TTC28: variants seen among roughly 807,000 people sequenced by gnomAD.
TTC28 encodes tetratricopeptide repeat protein 28.
TTC28 carries 61 observed loss-of-function variants against 198.0 expected under a neutral mutation model. That is an observed-to-expected ratio of 0.31 (90% CI 0.25 to 0.38). The LOEUF is 0.38. Ranked by LOEUF, TTC28 falls within the 10% of genes least tolerant of loss-of-function variation. The probability of loss-of-function intolerance (pLI) is 1.00; values close to 1 mark genes in which losing one functional copy is unlikely to be tolerated. For missense variants in TTC28, 2,678 were observed against 3,164.0 expected, an observed-to-expected ratio of 0.85 and a Z score of 3.69; for synonymous variants, 1,171 against 1,297.8, an observed-to-expected ratio of 0.90 and a Z score of 2.10.
chr22:28,331,328 TA>T (rs2045613115), intron 2 of TTC28, among the ~76,000 whole-genome samples: 1 of 152,062 alleles, frequency 6.6e-6, no homozygotes, highest in Admixed American at 6.6e-5. Flanking sequence ...AAAGTATATA[TA>T]AGGAAAACCT....
intron 2 of TTC28, among the ~76,000 whole-genome samples, chr22:28,476,335 T>C (rs1017470781): frequency 6.6e-6 from 1 of 152,228 alleles, no homozygotes; most frequent in Admixed American, 6.5e-5. Flanking sequence ...TTGTGTAATA[T>C]GTGATATGCA....
chr22:28,460,373 G>A (rs1208518384), intron 2 of TTC28, among the ~76,000 whole-genome samples: 4 of 151,888 alleles, frequency 2.6e-5, no homozygotes, highest in Non-Finnish European at 4.4e-5. Flanking sequence ...ATTAAAAGTC[G>A]TTCTTCCCAT....
intron 6 of TTC28, among the ~76,000 whole-genome samples, chr22:28,158,038 A>T (rs547971549): frequency 1.3e-5 from 2 of 152,132 alleles, no homozygotes; most frequent in Non-Finnish European, 2.9e-5. Flanking sequence ...ATCAAAAAAA[A>T]ACCACTAGAA....
intron 5 of TTC28, among the ~76,000 whole-genome samples, chr22:28,274,184 G>A (rs1932265582): frequency 1.3e-5 from 2 of 152,192 alleles, no homozygotes; most frequent in African/African-American, 4.8e-5. Context: ...ACGCTAATGA[G>A]TTACTGGTAA....
At chr22:28,492,715 G>C (rs951427522) in intron 2 of TTC28, among the ~76,000 whole-genome samples, 1 of 152,108 alleles carries the variant, frequency 6.6e-6, no homozygotes, top group South Asian at 2.1e-4. Flanking sequence ...AAATGATGAG[G>C]AGATAGGGCT....
chr22:28,106,976 T>G (rs1393275871), intron 7 of TTC28, 86 bp downstream of exon 7: 2 of 1,451,822 alleles, frequency 1.4e-6, no homozygotes, highest in Non-Finnish European at 1.8e-6. Flanking sequence ...GTTAACAAAC[T>G]GCCATGCAGA....
chr22:28,172,618 T>C (rs1037889175), intron 5 of TTC28, among the ~76,000 whole-genome samples: 5 of 152,190 alleles, frequency 3.3e-5, no homozygotes, highest in African/African-American at 1.2e-4. Flanking sequence ...GCATTTCCCC[T>C]CTGGGGTGTG....
chr22:27,998,289 CAGG>C (rs1483275436), intron 16 of TTC28: 2 of 611,182 alleles, frequency 3.3e-6, no homozygotes, highest in African/African-American at 3.7e-5. Flanking sequence ...ACACTGACAT[CAGG>C]AGGAGTTTCA....
chr22:28,091,442 G>C (rs1941810743), intron 12 of TTC28, among the ~76,000 whole-genome samples: 2 of 152,156 alleles, frequency 1.3e-5, no homozygotes, highest in African/African-American at 4.8e-5. Flanking sequence ...CCATAAGGGA[G>C]AGGCCACCTT....
intron 2 of TTC28, among the ~76,000 whole-genome samples, chr22:28,492,867 CG>C (rs1445112963): frequency 6.6e-6 from 1 of 151,962 alleles, no homozygotes; most frequent in Non-Finnish European, 1.5e-5. Flanking sequence ...AGAAAATACA[CG>C]AAATGTTCCC....
chr22:28,439,287 G>C (rs1030113218), intron 2 of TTC28, among the ~76,000 whole-genome samples: 1 of 152,170 alleles, frequency 6.6e-6, no homozygotes, highest in African/African-American at 2.4e-5. Flanking sequence ...CAGAGGCACA[G>C]ACTCTAAATG....
intron 2 of TTC28, among the ~76,000 whole-genome samples, chr22:28,375,424 A>G (rs1452433235): frequency 6.6e-6 from 1 of 152,230 alleles, no homozygotes; most frequent in Non-Finnish European, 1.5e-5. Flanking sequence ...TTCAATCCAG[A>G]CTGTGCTCCT....
intron 12 of TTC28, among the ~76,000 whole-genome samples, chr22:28,064,174 C>T (rs990540844): frequency 5.3e-5 from 8 of 152,108 alleles, no homozygotes; most frequent in African/African-American, 1.7e-4. Flanking sequence ...AAGTGAAATA[C>T]TGATGGTCAT....
In TTC28 at chr22:28,519,623, G is replaced by C. The variant is rs533669998; in HGVS notation, c.381+109929C>G. On this transcript the variant is annotated intron_variant, in intron 2 of 22. Transcript: ENST00000397906. The stretch of plus-strand genomic sequence containing the variant: ...TGAGGAGGCATGAAGAGGTAACTGT[G>C]CATGCCTGAGGACTTTACCAGACCT... Among the ~76,000 whole-genome samples the C allele has an allele frequency of 5.3e-5, 8 of 152,304 alleles. No homozygotes were observed. In the South Asian group the frequency reaches 1.7e-3, roughly 32 times the overall value.
chr22:28,383,938 C>T (rs2046534504), intron 2 of TTC28, among the ~76,000 whole-genome samples: 1 of 152,160 alleles, frequency 6.6e-6, no homozygotes, highest in African/African-American at 2.4e-5. Context: ...GCCTTCAAAC[C>T]CTATATGATC....
chr22:28,281,225 A>C (rs1347510217), intron 5 of TTC28, among the ~76,000 whole-genome samples: 2 of 152,098 alleles, frequency 1.3e-5, no homozygotes, highest in Non-Finnish European at 2.9e-5. Context: ...CATGTATATA[A>C]TTATACATAT....
rs147727536 is a variant in TTC28, at chr22:28,371,581, CAAAAAA to C, written c.382-64944_382-64939del. ...CAACATGGCAAAACCTCATCTTAACCAAAAAAAAAAAAAAAAATTTTTTTTTTTTTT... is the reference window on the plus strand; with the variant it reads ...CAACATGGCAAAACCTCATCTTAACCAAAAAAAAAAATTTTTTTTTTTTTT... On this transcript the variant is annotated intron_variant, in intron 2 of 22. Transcript: ENST00000397906. 2.1e-3 allele frequency among the ~76,000 whole-genome samples: 70 copies of C among 32,710 alleles called. 3 individuals are homozygous for C. The highest frequency in any genetic ancestry group is 6.5e-3 in the South Asian group (2 of 308). 21.5% of individuals were successfully genotyped at this position (32,710 alleles called of 152,430 possible).
At chr22:28,496,540 C>T (rs946422078) in intron 2 of TTC28, among the ~76,000 whole-genome samples, 2 of 152,012 alleles carry the variant, frequency 1.3e-5, no homozygotes, top group Non-Finnish European at 2.9e-5. Context: ...AAAATATTTC[C>T]AATTAGTTAA....
chr22:28,153,439 T>G (rs938442617), intron 6 of TTC28, among the ~76,000 whole-genome samples: 1 of 147,682 alleles, frequency 6.8e-6, no homozygotes, highest in Non-Finnish European at 1.5e-5. Context: ...TTGTTTTTTG[T>G]TTTTTTTTTA....
Sources: allele counts gnomAD v4.1 joint callset (sites outside exome capture counted in the v4.1 genomes callset), GRCh38; gene constraint gnomAD v4.1.1; transcripts MANE v1.5; gene names NCBI Gene and HGNC (gene_info 2026-07-23, HGNC 2026-07-21).